Variants in GDI2 observed in about 807,000 individuals in gnomAD.
GDI2 encodes GDP dissociation inhibitor 2.
A neutral mutation model predicts 54.2 loss-of-function variants in GDI2; 22 were observed. The observed-to-expected ratio is 0.41, with a 90% CI of 0.29 to 0.58. The LOEUF is 0.58. Ranked by LOEUF, GDI2 falls within the 20% of genes least tolerant of loss-of-function variation. GDI2 has a pLI of 0.35. For missense variants in GDI2, 422 were observed against 546.0 expected, an observed-to-expected ratio of 0.77 and a Z score of 2.26; for synonymous variants, 177 against 182.1, an observed-to-expected ratio of 0.97 and a Z score of 0.23.
Position 5,766,748 on chromosome 10 carries a change from G to A in GDI2, c.992-110C>T. On this transcript the variant is annotated intron_variant, in intron 8 of 10. Transcript: ENST00000380191. The surrounding 1 kb of genome is among the most constrained non-coding windows in gnomAD (Gnocchi z 5.8). ...GTGTGAGTTAAAATTACTCTCAATA[G>A]GCAAGATCTTCTACACTTAAGTTCT... The A allele has an allele frequency of 1.3e-6, 1 of 762,000 alleles. No homozygotes were observed. Among genetic ancestry groups the A allele is most frequent in the Admixed American group, 2.3e-5 (1 of 43,982 alleles). 47.2% of individuals were successfully genotyped at this position (762,000 alleles called of 1,614,324 possible). A position where few individuals can be genotyped will look rare whatever the true frequency, so the allele number is the denominator to read the frequency against.
At chr10:5,788,810 G>C (rs997682866) in intron 4 of GDI2, among the ~76,000 whole-genome samples, 4 of 151,854 alleles carry the variant, frequency 2.6e-5, no homozygotes, top group Non-Finnish European at 5.9e-5. Context: ...GCCCAGGCTA[G>C]AGTGCGCAGT....
intron 4 of GDI2, among the ~76,000 whole-genome samples, chr10:5,794,121 C>A (rs1236042533): frequency 7.0e-6 from 1 of 143,734 alleles, no homozygotes; most frequent in Non-Finnish European, 1.5e-5. Flanking sequence ...CCTCTGAGAT[C>A]GCGCCATCAC....
intron 5 of GDI2, 65 bp from the exon 6 acceptor site, chr10:5,785,338 A>C (rs1266027870): frequency 8.1e-7 from 1 of 1,231,556 alleles, no homozygotes; most frequent in Non-Finnish European, 1.1e-6. Context: ...TCAATTTATA[A>C]TTTTTTTTGA....
chr10:5,786,009 G>C lies in GDI2; in HGVS notation c.430C>G (p.Leu144Val), dbSNP rs562861312. ...TCATCGAAGTTGGCAACATACACTA[G>C]GAATTTCCTGAAGCGACGTTTTTCA... ...LFEKRRFRKF[L>V]VYVANFDEKD... The change falls in exon 5 of 11, where the codon CTA becomes GTA. Residue 144 changes from leucine (L) to valine (V), a missense_variant. By Grantham distance (32) the Leu-to-Val change is conservative. Transcript: ENST00000380191. 1.2e-6 allele frequency: 2 copies of C among 1,613,692 alleles called. No individual in the cohort carries two copies. Among genetic ancestry groups the C allele is most frequent in the Non-Finnish European group, 8.5e-7 (1 of 1,179,830 alleles).
chr10:5,787,249 A>G (rs1382295492), intron 4 of GDI2, among the ~76,000 whole-genome samples: 4 of 152,378 alleles, frequency 2.6e-5, no homozygotes, highest in East Asian at 3.9e-4. Context: ...TCACGCCTAT[A>G]ATCCCAGCAC....
intron 8 of GDI2, among the ~76,000 whole-genome samples, chr10:5,767,841 C>A (rs1271303409): frequency 6.6e-6 from 1 of 152,178 alleles, no homozygotes; most frequent in East Asian, 1.9e-4. Flanking sequence ...AATGTAGGTA[C>A]TAGGATTACA....
intron 7 of GDI2, among the ~76,000 whole-genome samples, chr10:5,770,399 A>G (rs1255918707): frequency 1.3e-5 from 2 of 151,978 alleles, no homozygotes; most frequent in East Asian, 1.9e-4. Flanking sequence ...TGTCTCTACT[A>G]AAAATACAAA....
In GDI2 at chr10:5,776,663, T is replaced by C; in HGVS notation, c.720-2722A>G. ...AAAGGAGCTGGATGTAGATGCTGAT[T>C]TTGTAGAAAAGTCAGAGTTATGGAG... On this transcript the variant is annotated intron_variant, in intron 6 of 10. Transcript: ENST00000380191. The surrounding 1 kb of genome is among the most constrained non-coding windows in gnomAD (Gnocchi z 5.3). 6.8e-7 allele frequency: 1 copy of C among 1,473,874 alleles called. No individual in the cohort carries two copies. The highest frequency in any genetic ancestry group is 9.4e-7 in the Non-Finnish European group (1 of 1,058,670). 91.3% of individuals were successfully genotyped at this position (1,473,874 alleles called of 1,614,324 possible).
intron 6 of GDI2, 51 bp from the exon 7 acceptor site, chr10:5,773,992 T>TA: frequency 1.3e-6 from 1 of 756,026 alleles, no homozygotes; most frequent in Non-Finnish European, 2.3e-6. Context: ...TTTCAACTCC[T>TA]AAAGTCCCCT....
At chr10:5,771,577 G>A (rs1165579840) in intron 7 of GDI2, among the ~76,000 whole-genome samples, 1 of 151,852 alleles carries the variant, frequency 6.6e-6, no homozygotes, top group African/African-American at 2.4e-5. Flanking sequence ...GTCATTATAG[G>A]TGGGTGTCCT....
At chr10:5,780,891 T>C (rs193221977) in intron 6 of GDI2, among the ~76,000 whole-genome samples, 8 of 152,264 alleles carry the variant, frequency 5.3e-5, no homozygotes, top group Admixed American at 4.6e-4. Flanking sequence ...TTTCTAGAAA[T>C]TGACAACCTG....
chr10:5,810,268 CTTA>C (rs1841458389), intron 1 of GDI2, among the ~76,000 whole-genome samples: 10 of 152,124 alleles, frequency 6.6e-5, no homozygotes, highest in Non-Finnish European at 1.3e-4. Context: ...TTCATAAATT[CTTA>C]CTGTGTAGAA....
Position 5,776,936 on chromosome 10 carries a change from G to GAA in GDI2, c.720-2997_720-2996dup. On this transcript the variant is annotated intron_variant, in intron 6 of 10. Coordinates refer to ENST00000380191, the MANE Select transcript of GDI2 (RefSeq NM_001494.4). This position sits in a 1 kb window ranked among gnomAD's most constrained non-coding sequence, Gnocchi z 5.3. ...TTAATCCAGCAAAAAAATTAAAAGG[G>GAA]AAAACCACATAGAAGGGTAATCCCG... 1.6e-6 allele frequency: 1 copy of GAA among 623,554 alleles called. No homozygotes were observed. Among genetic ancestry groups the GAA allele is most frequent in the Non-Finnish European group, 2.7e-6 (1 of 367,800 alleles). The allele number at this position is 623,554 out of a possible 1,614,324, so 38.6% of individuals were successfully genotyped here. A position where few individuals can be genotyped will look rare whatever the true frequency, so the allele number is the denominator to read the frequency against.
At chr10:5,793,262 T>C (rs1026694281) in intron 4 of GDI2, among the ~76,000 whole-genome samples, 2 of 152,182 alleles carry the variant, frequency 1.3e-5, no homozygotes, top group Non-Finnish European at 2.9e-5. Flanking sequence ...CCCAAAGCAA[T>C]GGGATCACAA....
intron 2 of GDI2, among the ~76,000 whole-genome samples, chr10:5,798,814 A>G (rs1381246197): frequency 6.6e-6 from 1 of 151,858 alleles, no homozygotes; most frequent in Non-Finnish European, 1.5e-5. Flanking sequence ...TCTCTACTAA[A>G]AATACAAAAA....
intron 4 of GDI2, among the ~76,000 whole-genome samples, chr10:5,791,431 G>A (rs529247167): frequency 9.9e-5 from 15 of 152,226 alleles, no homozygotes; most frequent in Admixed American, 3.3e-4. Context: ...CCAACATGGC[G>A]AAACCCGGTC....
At position 5,796,829 on chromosome 10, in the gene GDI2, G is replaced by A; in HGVS notation, c.187C>T (p.Pro63Ser). ...YKRFKIPGSP[P>S]ESMGRGRDWN... Reference sequence around the variant, plus strand: ...TCTCTTCCTCTCCCCATTGACTCGGGTGGTGATCCTGGTATTTTAAATCTT... The same window carrying A: ...TCTCTTCCTCTCCCCATTGACTCGGATGGTGATCCTGGTATTTTAAATCTT... The change falls in exon 3 of 11, where the codon CCC (proline) becomes TCC (serine). Residue 63 changes from proline (P) to serine (S), a missense_variant. By Grantham distance (74) the Pro-to-Ser change is moderately conservative (BLOSUM62 -1). Transcript: ENST00000380191. 1 of 1,586,902 alleles carries A rather than the reference G, an allele frequency of 6.3e-7. No homozygotes were observed. Among genetic ancestry groups the A allele is most frequent in the Non-Finnish European group, 8.7e-7 (1 of 1,155,940 alleles).
intron 6 of GDI2, among the ~76,000 whole-genome samples, chr10:5,778,097 G>A (rs747025402): frequency 2.6e-5 from 4 of 152,114 alleles, no homozygotes; most frequent in Non-Finnish European, 5.9e-5. Flanking sequence ...ACAACACATG[G>A]ACACAGGGAG....
At chr10:5,782,887 T>C (rs902723818) in intron 6 of GDI2, among the ~76,000 whole-genome samples, 3 of 152,068 alleles carry the variant, frequency 2.0e-5, no homozygotes, top group Admixed American at 6.6e-5. Flanking sequence ...GAGCTGAGAC[T>C]GCACCACAGC....
Sources: allele counts gnomAD v4.1 joint callset (sites outside exome capture counted in the v4.1 genomes callset), GRCh38; gene constraint gnomAD v4.1.1; non-coding constraint Gnocchi (gnomAD v3.1); transcripts MANE v1.5; gene names NCBI Gene and HGNC (gene_info 2026-07-23, HGNC 2026-07-21).